Variants in EXOG observed in about 807,000 individuals in gnomAD.
EXOG encodes the protein exo/endonuclease G.
A neutral mutation model predicts 25.8 loss-of-function variants in EXOG; 27 were observed. That is an observed-to-expected ratio of 1.05 (90% CI 0.77 to 1.45). The LOEUF is 1.45. Among genes scored for constraint, EXOG ranks in the 40% most tolerant of loss-of-function variants. The probability of loss-of-function intolerance (pLI) is 0.00; values close to 1 mark genes in which losing one functional copy is unlikely to be tolerated. For missense variants in EXOG, 458 were observed against 450.5 expected (o/e 1.02, Z -0.15); for synonymous variants, 133 against 167.0 (o/e 0.80, Z 1.57).
chr3:38,504,681 A>G (rs555672916), intron 4 of EXOG, among the ~76,000 whole-genome samples: 11 of 152,208 alleles, frequency 7.2e-5, no homozygotes, highest in African/African-American at 2.6e-4. Context: ...TGATTTGCCC[A>G]CCTTGGCCTC....
At chr3:38,498,495 C>T (rs1002692996) in intron 2 of EXOG, among the ~76,000 whole-genome samples, 1 of 150,972 alleles carries the variant, frequency 6.6e-6, no homozygotes, top group Non-Finnish European at 1.5e-5. Flanking sequence ...GTGGGGGTTG[C>T]AGTGAGCCAA....
In EXOG at chr3:38,497,772, A is replaced by G; in HGVS notation, c.307A>G (p.Ile103Val). 6.3e-7 allele frequency: 1 copy of G among 1,596,424 alleles called. No individual in the cohort carries two copies. Among genetic ancestry groups the G allele is most frequent in the Non-Finnish European group, 8.5e-7 (1 of 1,175,638 alleles). The change falls in exon 2 of 6, where the codon ATA becomes GTA. Residue 103 changes from isoleucine (I) to valine (V), a missense_variant. Around this residue, in one of 3 missense-constraint regions of EXOG, gnomAD observed 275 missense variants for 230.5 expected, o/e 1.19. Coordinates refer to ENST00000287675, the MANE Select transcript of EXOG (RefSeq NM_005107.4). ...WVLEHISKSK[I>V]MGDADRKHCK... ...TCTTGAACATATTTCCAAAAGCAAG[A>G]TAATGGGTAGGTGGTTGGATAAAAA...
Position 38,502,411 on chromosome 3 carries a change from T to A in EXOG, c.453+917T>A, listed in dbSNP as rs111707003. ...TGCCTGGCTAATTTATTTTAAAAAA[T>A]TTTTTTAATTTGTAGAAATTTATAG... On this transcript the variant is annotated intron_variant, in intron 3 of 5. Transcript: ENST00000287675. Among the ~76,000 whole-genome samples, 123 of 152,274 alleles carry A rather than the reference T, an allele frequency of 8.1e-4. 1 individual carries two copies. The highest frequency in any genetic ancestry group is 2.7e-3 in the African/African-American group (114 of 41,546).
intron 2 of EXOG, chr3:38,498,793 A>G: frequency 5.3e-6 from 2 of 379,048 alleles, no homozygotes; most frequent in African/African-American, 4.2e-5. Flanking sequence ...CAGTAGATGA[A>G]TGAGGGGGAA....
At chr3:38,502,072 G>A (rs549169054) in intron 3 of EXOG, among the ~76,000 whole-genome samples, 80 of 152,036 alleles carry the variant, frequency 5.3e-4, no homozygotes, top group African/African-American at 1.4e-3. Context: ...ACAGGTTCCC[G>A]CCACCACACC....
chr3:38,508,866 C>G (rs1280130559), intron 5 of EXOG, among the ~76,000 whole-genome samples: 1 of 152,136 alleles, frequency 6.6e-6, no homozygotes, highest in Admixed American at 6.5e-5. Flanking sequence ...TTTTTCCACA[C>G]AAAATTATGA....
At chr3:38,497,303 C>T in intron 1 of EXOG, 1 of 1,058,534 alleles carries the variant, frequency 9.4e-7, no homozygotes, top group Non-Finnish European at 1.1e-6. Context: ...CATCTTGCAA[C>T]AGCACACATA....
rs1575603817 is a variant in EXOG, at chr3:38,497,711, G to A, written c.246G>A (p.Leu82=). 3 of 1,608,062 alleles carry A rather than the reference G, an allele frequency of 1.9e-6. No individual in the cohort carries two copies. Among genetic ancestry groups the A allele is most frequent in the Non-Finnish European group, 2.5e-6 (3 of 1,178,746 alleles). ...CAAGGTGTTACACTAATCACGCTTT[G>A]TCTTATGATCAGGCAAAGCGGGTGC... ...TEARCYTNHA[L]SYDQAKRVPR... Residue 82 remains leucine, a synonymous_variant, in exon 2 of 6, where the codon TTG becomes TTA. Transcript: ENST00000287675.
In EXOG at chr3:38,497,622, T is replaced by TTTTTTTTG; in HGVS notation, c.164-3_164-2insTTTGTTTT. 1 of 1,553,266 alleles carries TTTTTTTTG rather than the reference T, an allele frequency of 6.4e-7. No homozygotes were observed. The highest frequency in any genetic ancestry group is 8.6e-7 in the Non-Finnish European group (1 of 1,157,220). On this transcript the variant is annotated splice_region_variant and splice_polypyrimidine_tract_variant and intron_variant, in intron 1 of 5. Transcript: ENST00000287675. Reference sequence around the variant, plus strand: ...GCCCCCCCTTTTTTTTTTTTTTTCATTTTTAGGATCTGCAGAAAAGGCTGT... The same window carrying TTTTTTTTG: ...GCCCCCCCTTTTTTTTTTTTTTTCATTTTTTTTGTTTTAGGATCTGCAGAAAAGGCTGT...
At chr3:38,498,773 A>T (rs6779704) in intron 2 of EXOG, 55,613 of 359,124 alleles carry the variant, frequency 0.15, 4,558 homozygotes, top group Middle Eastern at 0.24. Flanking sequence ...TTAGGGAACT[A>T]AAAGAGTGCC....
chr3:38,522,213 G>T (rs950310237), intron 5 of EXOG, among the ~76,000 whole-genome samples: 4 of 152,238 alleles, frequency 2.6e-5, no homozygotes, highest in African/African-American at 9.6e-5. Context: ...GTGACAGACA[G>T]CAGATGGCCA....
chr3:38,525,892 C>A lies in EXOG; in HGVS notation c.*1530C>A. ...CTGGCAGGTCAAGGCTGCGATGGGA[C>A]ATGGTCATGCCACTGGACGCCAGCC... On this transcript the variant is annotated 3_prime_UTR_variant, in exon 6 of 6. Coordinates refer to ENST00000287675, the MANE Select transcript of EXOG (RefSeq NM_005107.4). 1 of 759,090 alleles carries A rather than the reference C, an allele frequency of 1.3e-6. No homozygotes were observed. The highest frequency in any genetic ancestry group is 1.6e-6 in the Non-Finnish European group (1 of 623,316). 47.0% of individuals were successfully genotyped at this position (759,090 alleles called of 1,614,324 possible).
chr3:38,519,316 C>T (rs2060638540), intron 5 of EXOG: 2 of 152,118 alleles, frequency 1.3e-5, no homozygotes. Flanking sequence ...GAGGTTGATT[C>T]CAGACAAGTG....
In EXOG at chr3:38,511,459, A is replaced by G. The variant is rs886548957; in HGVS notation, c.645+4491A>G. On this transcript the variant is annotated intron_variant, in intron 5 of 5. Coordinates refer to ENST00000287675, the MANE Select transcript of EXOG (RefSeq NM_005107.4). ...TTTATACTGAAATTAGGGAATGTTC[A>G]CAGTCCTGTATCAAGGAATTTTTCA... 1.4e-4 allele frequency among the ~76,000 whole-genome samples: 21 copies of G among 152,248 alleles called. 1 individual carries two copies. The highest frequency in any genetic ancestry group is 1.1e-3 in the Admixed American group (17 of 15,278).
Position 38,524,566 on chromosome 3 carries a change from C to A in EXOG, c.*204C>A. 7.9e-7 allele frequency: 1 copy of A among 1,258,856 alleles called. No homozygotes were observed. Among genetic ancestry groups the A allele is most frequent in the Non-Finnish European group, 1.0e-6 (1 of 984,930 alleles). 78.0% of individuals were successfully genotyped at this position (1,258,856 alleles called of 1,614,324 possible). On this transcript the variant is annotated 3_prime_UTR_variant, in exon 6 of 6. Transcript: ENST00000287675. ...AAACTTCTGGGCTTAAGCAATCCTCCTGCCTCTGCCCCCTGAGCAGCTGGG... is the reference window on the plus strand; with the variant it reads ...AAACTTCTGGGCTTAAGCAATCCTCATGCCTCTGCCCCCTGAGCAGCTGGG...
rs749096148 is a variant in EXOG at position 38,501,493 on chromosome 3, G to A, written c.452G>A (p.Ser151Asn). 1 of 1,613,942 alleles carries A rather than the reference G, an allele frequency of 6.2e-7. No individual in the cohort carries two copies. The highest frequency in any genetic ancestry group is 8.5e-7 in the Non-Finnish European group (1 of 1,179,830). The change falls in exon 3 of 6, where the codon AGT becomes AAT. Residue 151 changes from serine to asparagine, a missense_variant and splice_region_variant. This residue lies in a region of EXOG where 275 missense variants were observed against 230.5 expected (regional missense o/e 1.19). Coordinates refer to ENST00000287675, the MANE Select transcript of EXOG (RefSeq NM_005107.4). ...CCAGCAGGAAATAACAAATTTTCAAGTGTAGGCATACTTTGGGGGAGGGAT... is the reference window on the plus strand; with the variant it reads ...CCAGCAGGAAATAACAAATTTTCAAATGTAGGCATACTTTGGGGGAGGGAT... The part of the protein sequence containing the change: ...MAPAGNNKFS[S>N]KAMAETFYLS...
intron 5 of EXOG, chr3:38,513,836 A>G (rs1478456603): frequency 2.0e-5 from 3 of 152,322 alleles, no homozygotes; most frequent in East Asian, 1.9e-4. Flanking sequence ...GAGTACCCTC[A>G]TGGAGCATGC....
chr3:38,502,978 A>G lies in EXOG; in HGVS notation c.454-637A>G, dbSNP rs531067315. On this transcript the variant is annotated intron_variant, in intron 3 of 5. Coordinates refer to ENST00000287675, the MANE Select transcript of EXOG (RefSeq NM_005107.4). ...CAGACCTGAACCTCATACTTACAAA[A>G]CTGGAAACTCTCAGGGATGAGACCC... 5.9e-5 allele frequency among the ~76,000 whole-genome samples: 9 copies of G among 152,268 alleles called. No homozygotes were observed. In the South Asian group the frequency reaches 1.2e-3, roughly 21 times the overall value.
At chr3:38,500,448 A>T (rs2060013722) in intron 2 of EXOG, among the ~76,000 whole-genome samples, 1 of 152,238 alleles carries the variant, frequency 6.6e-6, no homozygotes. Context: ...AAATTTACTA[A>T]TGATAAATTT....
Sources: allele counts gnomAD v4.1 joint callset (sites outside exome capture counted in the v4.1 genomes callset), GRCh38; gene constraint gnomAD v4.1.1; regional missense constraint gnomAD v4.1.1; transcripts MANE v1.5; gene names NCBI Gene and HGNC (gene_info 2026-07-23, HGNC 2026-07-21).